CSDE1: variants seen among roughly 807,000 people sequenced by gnomAD.
The protein encoded by CSDE1 is cold shock domain containing E1.
Under a neutral mutation model 89.3 loss-of-function variants are expected in CSDE1, and 17 were observed. The ratio of observed to expected loss-of-function variants is 0.19; its 90% confidence interval spans 0.13 to 0.29. The LOEUF is 0.29. CSDE1 is among the 10% of genes least tolerant of loss of function. The pLI is 1.00. For synonymous variants in CSDE1, 322 were observed against 332.8 expected (o/e 0.97, Z 0.35); for missense variants, 672 against 984.2 (o/e 0.68, Z 4.24).
At chr1:114,751,967 C>A (rs1481371914) in intron 1 of CSDE1, among the ~76,000 whole-genome samples, 1 of 152,156 alleles carries the variant, frequency 6.6e-6, no homozygotes, top group Non-Finnish European at 1.5e-5. Context: ...ACCAGACTAT[C>A]AAAAACTTGA....
At chr1:114,747,352 A>AC (rs1265652217) in intron 2 of CSDE1, among the ~76,000 whole-genome samples, 11 of 152,186 alleles carry the variant, frequency 7.2e-5, no homozygotes, top group Non-Finnish European at 1.6e-4. Context: ...TCACAACTGT[A>AC]CAACCACAGC....
intron 1 of CSDE1, among the ~76,000 whole-genome samples, chr1:114,755,339 T>C (rs1267336877): frequency 1.3e-5 from 2 of 152,212 alleles, no homozygotes; most frequent in African/African-American, 4.8e-5. Flanking sequence ...AGGCAGTATC[T>C]AGCATAGAAG....
At chr1:114,733,351 C>A (rs540996868) in intron 9 of CSDE1, among the ~76,000 whole-genome samples, 2 of 151,936 alleles carry the variant, frequency 1.3e-5, no homozygotes, top group Admixed American at 1.3e-4. Flanking sequence ...CAGGGTGAAA[C>A]CCCGTCTTTA....
At chr1:114,718,949 G>A (rs981772685) in intron 18 of CSDE1, 7 of 572,370 alleles carry the variant, frequency 1.2e-5, no homozygotes, top group Non-Finnish European at 9.2e-6. Context: ...AACTTAATAG[G>A]AATGGAAGGA....
Position 114,732,192 on chromosome 1 carries a change from G to A in CSDE1, c.1050+412C>T, listed in dbSNP as rs141371810. 1.3e-4 allele frequency among the ~76,000 whole-genome samples: 20 copies of A among 152,160 alleles called. 1 individual carries two copies. The highest frequency in any genetic ancestry group is 8.3e-4 in the South Asian group (4 of 4,824). ...GTGATCTAGTGTCTAGATCATGGGT[G>A]TTCAATCTTTTGGCTTCCCTGGACC... On this transcript the variant is annotated intron_variant, in intron 10 of 19. Transcript: ENST00000358528.
rs1488844371 is a variant in CSDE1, at chr1:114,720,608, T to C, written c.1983A>G (p.Gln661=). The change falls in exon 17 of 20, where the codon CAA becomes CAG. Residue 661 remains glutamine, a synonymous_variant. Coordinates refer to ENST00000358528, the MANE Select transcript of CSDE1 (RefSeq NM_001007553.3). ...TGTTGTAAGCCATAGTTTGTGCATT[T>C]TGGCCCAGGACACACAATTGGAACT... ...SVKFQLCVLG[Q]NAQTMAYNIT... is the part of the protein sequence containing the mutation. 1 of 1,614,130 alleles carries C rather than the reference T, an allele frequency of 6.2e-7. No individual in the cohort carries two copies. Among genetic ancestry groups the C allele is most frequent in the Non-Finnish European group, 8.5e-7 (1 of 1,180,022 alleles).
At chr1:114,757,714 T>C (rs778991533) in intron 1 of CSDE1, among the ~76,000 whole-genome samples, 12 of 152,030 alleles carry the variant, frequency 7.9e-5, no homozygotes, top group Admixed American at 2.0e-4. Context: ...CAACTCCTCG[T>C]TTCAGCTCTG....
intron 2 of CSDE1, among the ~76,000 whole-genome samples, chr1:114,740,836 TTA>T (rs1660687201): frequency 6.6e-6 from 1 of 152,242 alleles, no homozygotes; most frequent in African/African-American, 2.4e-5. Flanking sequence ...ATCATTACAA[TTA>T]TGTTTTAGAC....
intron 7 of CSDE1, 97 bp downstream of exon 7, chr1:114,734,345 T>TA (rs1660274381): frequency 8.4e-7 from 1 of 1,184,876 alleles, no homozygotes; most frequent in Non-Finnish European, 1.2e-6. Flanking sequence ...TTTAAAAGGG[T>TA]AAGATAAAAA....
At chr1:114,751,950 T>A (rs887019404) in intron 1 of CSDE1, among the ~76,000 whole-genome samples, 1 of 152,198 alleles carries the variant, frequency 6.6e-6, no homozygotes, top group African/African-American at 2.4e-5. Context: ...TTCTGTCACA[T>A]ACCACCACCA....
At chr1:114,741,485 C>A in intron 2 of CSDE1, 21 of 1,522,426 alleles carry the variant, frequency 1.4e-5, no homozygotes, top group Non-Finnish European at 1.9e-5. Context: ...ATGCTCTTAA[C>A]ACAAAGCAAG....
chr1:114,737,872 A>T, intron 4 of CSDE1, 91 bp downstream of exon 4: 1 of 890,650 alleles, frequency 1.1e-6, no homozygotes. Context: ...TTTCGTGCAA[A>T]CTGAGGAGAT....
intron 10 of CSDE1, among the ~76,000 whole-genome samples, chr1:114,731,589 A>G (rs745651786): frequency 3.9e-5 from 6 of 152,160 alleles, no homozygotes; most frequent in Non-Finnish European, 8.8e-5. Context: ...ACTAAATGCA[A>G]ATTATGTCTG....
Position 114,746,132 on chromosome 1 carries a change from C to T in CSDE1, c.-1+3689G>A, listed in dbSNP as rs180777172. On this transcript the variant is annotated intron_variant, in intron 2 of 19. Transcript: ENST00000358528. ...ACTCTGTATTCTCAGACATACCTCC[C>T]CTTGACTTCCACTGTTTCTTCCAAT... 9.8e-5 allele frequency among the ~76,000 whole-genome samples: 15 copies of T among 152,300 alleles called. No individual in the cohort carries two copies. In the East Asian group the frequency reaches 2.9e-3, roughly 29 times the overall value.
In CSDE1 at chr1:114,717,772, T is replaced by C. The variant is rs376078442; in HGVS notation, c.*397A>G. 15 of 179,114 alleles carry C rather than the reference T, an allele frequency of 8.4e-5. No homozygotes were observed. In the South Asian group the frequency reaches 1.1e-3, roughly 13 times the overall value. 11.1% of individuals were successfully genotyped at this position (179,114 alleles called of 1,614,324 possible). ...AACTGAGTGCTAAGGCAGAACATCT[T>C]GCCAGAAGTAATTAATGAAGGTAGA... is the stretch of plus-strand genomic sequence containing the variant. On this transcript the variant is annotated 3_prime_UTR_variant, in exon 20 of 20. Transcript: ENST00000358528.
At chr1:114,730,718 C>T (rs1210534112) in intron 10 of CSDE1, 70 bp from the exon 11 acceptor site, 1 of 1,559,804 alleles carries the variant, frequency 6.4e-7, no homozygotes, top group Non-Finnish European at 8.8e-7. Flanking sequence ...TTTACAACCA[C>T]CATCAAGTTA....
chr1:114,740,749 A>G (rs926134937), intron 2 of CSDE1, among the ~76,000 whole-genome samples: 3 of 152,218 alleles, frequency 2.0e-5, no homozygotes, highest in Non-Finnish European at 4.4e-5. Flanking sequence ...AACAAAAACT[A>G]TAAGTGAAGC....
chr1:114,727,683 G>A (rs975754780), intron 12 of CSDE1: 9 of 152,166 alleles, frequency 5.9e-5, no homozygotes, highest in Non-Finnish European at 7.4e-5. Flanking sequence ...TTCAGTCATC[G>A]TACGTGTAAG....
chr1:114,732,903 T>C (rs1235370242), intron 9 of CSDE1, 87 bp from the exon 10 acceptor site: 10 of 1,178,960 alleles, frequency 8.5e-6, no homozygotes, highest in East Asian at 2.3e-5. Context: ...AGTAAACCCA[T>C]GTTATTTTTA....
Sources: gnomAD v4.1 joint callset for allele counts (sites outside exome capture counted in the v4.1 genomes callset) on GRCh38, gnomAD v4.1.1 for gene constraint, MANE v1.5 for transcripts, NCBI Gene and HGNC (gene_info 2026-07-23, HGNC 2026-07-21) for gene names.